The following PRCP variants were observed in gnomAD, a reference collection of about 807,000 sequenced individuals.
PRCP encodes lysosomal Pro-X carboxypeptidase.
Under a neutral mutation model 54.2 loss-of-function variants are expected in PRCP, and 46 were observed. The observed-to-expected ratio is 0.85, with a 90% CI of 0.67 to 1.09. The LOEUF (loss-of-function observed/expected upper bound fraction) is 1.09. PRCP is among the 50% of genes least tolerant of loss of function. PRCP has a pLI of 0.00. For synonymous variants in PRCP, 240 were observed against 212.2 expected (o/e 1.13, Z -1.14); for missense variants, 613 against 596.8 (o/e 1.03, Z -0.28).
chr11:82,888,376 T>G (rs772420782), intron 1 of PRCP, among the ~76,000 whole-genome samples: 3 of 152,220 alleles, frequency 2.0e-5, no homozygotes, highest in Admixed American at 1.3e-4. Flanking sequence ...TGAACTAACA[T>G]GTATGCCATA....
chr11:82,871,233 T>A (rs1859476331), intron 1 of PRCP, among the ~76,000 whole-genome samples: 1 of 145,592 alleles, frequency 6.9e-6, no homozygotes, highest in Non-Finnish European at 1.5e-5. Context: ...CAGGCTGGAG[T>A]GCAGTGGCAT....
At chr11:82,869,548 C>T (rs1379941794) in intron 1 of PRCP, among the ~76,000 whole-genome samples, 4 of 152,046 alleles carry the variant, frequency 2.6e-5, no homozygotes, top group African/African-American at 9.7e-5. Flanking sequence ...TCTAAACCAA[C>T]AGTGAATGAA....
chr11:82,850,154 T>G (rs1183124467), intron 4 of PRCP, 83 bp from the exon 5 acceptor site: 1 of 916,262 alleles, frequency 1.1e-6, no homozygotes, highest in African/African-American at 1.7e-5. Flanking sequence ...TAAATCAAGT[T>G]TTAAAGTTGA....
At chr11:82,835,720 TA>T (rs1257229222) in intron 8 of PRCP, 1 of 334,618 alleles carries the variant, frequency 3.0e-6, no homozygotes, top group Non-Finnish European at 5.8e-6. Flanking sequence ...TGAACTTCTT[TA>T]ATCAGAAGAA....
At chr11:82,870,404 G>C (rs183194313) in intron 1 of PRCP, among the ~76,000 whole-genome samples, 1 of 152,298 alleles carries the variant, frequency 6.6e-6, no homozygotes, top group East Asian at 1.9e-4. Flanking sequence ...CGAGATCCTG[G>C]GAAGGAAGGA....
intron 1 of PRCP, among the ~76,000 whole-genome samples, chr11:82,883,466 A>C (rs1859796768): frequency 6.6e-6 from 1 of 152,234 alleles, no homozygotes; most frequent in African/African-American, 2.4e-5. Context: ...CAGTGTCAAT[A>C]ATAAATAACA....
intron 1 of PRCP, among the ~76,000 whole-genome samples, chr11:82,862,076 CA>C (rs556242097): frequency 0.11 from 15,123 of 141,354 alleles, 1,318 homozygotes; most frequent in African/African-American, 0.25. Context: ...ATTACAAAAT[CA>C]AAAAAAAAAA....
At chr11:82,874,943 C>A (rs140757428) in intron 1 of PRCP, among the ~76,000 whole-genome samples, 69 of 151,834 alleles carry the variant, frequency 4.5e-4, no homozygotes, top group African/African-American at 1.5e-3. Context: ...ATATTATAAT[C>A]TTTTCAAATG....
intron 6 of PRCP, chr11:82,846,099 T>C (rs1858800770): frequency 6.6e-6 from 1 of 152,190 alleles, no homozygotes; most frequent in Admixed American, 6.5e-5. Flanking sequence ...AACTGTTACA[T>C]ATTATCTCAC....
chr11:82,868,986 A>G (rs931007301), intron 1 of PRCP, among the ~76,000 whole-genome samples: 1 of 152,186 alleles, frequency 6.6e-6, no homozygotes, highest in Non-Finnish European at 1.5e-5. Flanking sequence ...CGGTAAGCCA[A>G]GATCACACCA....
At chr11:82,826,973 C>T (rs1309683633) in intron 8 of PRCP, 1 of 152,164 alleles carries the variant, frequency 6.6e-6, no homozygotes, top group Non-Finnish European at 1.5e-5. Context: ...CACTGAAATA[C>T]CTGGATCTAA....
chr11:82,898,720 T>C (rs1169625127), intron 1 of PRCP, among the ~76,000 whole-genome samples: 1 of 152,222 alleles, frequency 6.6e-6, no homozygotes, highest in Admixed American at 6.5e-5. Flanking sequence ...AATTTACAAA[T>C]GAGGGAATTA....
intron 1 of PRCP, among the ~76,000 whole-genome samples, chr11:82,870,912 C>T (rs2121209666): frequency 6.6e-6 from 1 of 152,252 alleles, no homozygotes; most frequent in Admixed American, 6.5e-5. Context: ...GAGGTCCTGT[C>T]CACCACAGAC....
At chr11:82,867,967 A>G (rs2121200943) in intron 1 of PRCP, among the ~76,000 whole-genome samples, 1 of 152,354 alleles carries the variant, frequency 6.6e-6, no homozygotes, top group Middle Eastern at 3.4e-3. Flanking sequence ...TTGGATAAAA[A>G]ACAGACACAG....
Position 82,888,279 on chromosome 11 carries a change from C to A in PRCP, c.168+11956G>T, listed in dbSNP as rs548565932. ...TCCTAACCTGTGTGGTCAATCTGCA[C>A]CATATGAGCAGCAGGAAAGACAGCA... On this transcript the variant is annotated intron_variant, in intron 1 of 8. Transcript: ENST00000313010. Among the ~76,000 whole-genome samples, 4 of 152,134 alleles carry A rather than the reference C, an allele frequency of 2.6e-5. No homozygotes were observed. In the South Asian group the frequency reaches 8.3e-4, roughly 32 times the overall value.
intron 1 of PRCP, among the ~76,000 whole-genome samples, chr11:82,884,203 T>G (rs1346447367): frequency 6.6e-6 from 1 of 152,198 alleles, no homozygotes; most frequent in Admixed American, 6.5e-5. Flanking sequence ...TAAATTAGAT[T>G]ATTCAATCAC....
intron 1 of PRCP, among the ~76,000 whole-genome samples, chr11:82,893,648 C>T (rs559487692): frequency 6.6e-6 from 1 of 152,004 alleles, no homozygotes; most frequent in Non-Finnish European, 1.5e-5. Context: ...AAAAAATTAG[C>T]CAGGCATTGT....
intron 1 of PRCP, among the ~76,000 whole-genome samples, chr11:82,885,550 A>G (rs1859843335): frequency 6.6e-6 from 1 of 152,234 alleles, no homozygotes; most frequent in Admixed American, 6.5e-5. Flanking sequence ...TAAATAGAAG[A>G]ACGCATTTTT....
At chr11:82,869,989 T>C (rs11233357) in intron 1 of PRCP, among the ~76,000 whole-genome samples, 1 of 152,130 alleles carries the variant, frequency 6.6e-6, no homozygotes, top group Non-Finnish European at 1.5e-5. Flanking sequence ...ACAAATAATA[T>C]GGACAGAAGG....
Sources: allele counts gnomAD v4.1 joint callset (sites outside exome capture counted in the v4.1 genomes callset), GRCh38; gene constraint gnomAD v4.1.1; transcripts MANE v1.5; gene names NCBI Gene and HGNC (gene_info 2026-07-23, HGNC 2026-07-21).